NALF1: variants seen among roughly 807,000 people sequenced by gnomAD.
The protein encoded by NALF1 is family with sequence similarity 155 member A.
Under a neutral mutation model 48.4 loss-of-function variants are expected in NALF1, and 3 were observed. That is an observed-to-expected ratio of 0.06 (90% CI 0.03 to 0.16). The LOEUF (loss-of-function observed/expected upper bound fraction) is 0.16, where lower values mean the gene tolerates loss of function less well. Ranked by LOEUF, NALF1 falls within the 10% of genes least tolerant of loss-of-function variation. The probability of loss-of-function intolerance (pLI) is 1.00; values close to 1 mark genes in which losing one functional copy is unlikely to be tolerated. For synonymous variants in NALF1, 262 were observed against 245.7 expected (o/e 1.07, Z -0.62); for missense variants, 526 against 571.5 (o/e 0.92, Z 0.81).
intron 1 of NALF1, among the ~76,000 whole-genome samples, chr13:107,456,893 G>GTTATCTAT (rs1196973305): frequency 3.9e-5 from 6 of 152,102 alleles, no homozygotes; most frequent in Non-Finnish European, 8.8e-5. Context: ...GATTAGACAA[G>GTTATCTAT]TTATCTATCA....
At chr13:107,782,967 T>G (rs1200812852) in intron 1 of NALF1, among the ~76,000 whole-genome samples, 7 of 80,616 alleles carry the variant, frequency 8.7e-5, no homozygotes, top group African/African-American at 2.0e-4. Context: ...GGGAGGGAGG[T>G]GGGGGGTCAG....
At chr13:107,523,439 G>A (rs561109320) in intron 1 of NALF1, among the ~76,000 whole-genome samples, 1 of 152,076 alleles carries the variant, frequency 6.6e-6, no homozygotes, top group Non-Finnish European at 1.5e-5. Context: ...TGTTACATAT[G>A]TATACATGTG....
intron 1 of NALF1, among the ~76,000 whole-genome samples, chr13:107,813,011 C>T (rs1418015275): frequency 6.6e-6 from 1 of 152,128 alleles, no homozygotes; most frequent in Non-Finnish European, 1.5e-5. Context: ...CTGCCTCAGC[C>T]TCCCAAAGTG....
At chr13:107,289,737 C>G (rs868095852) in intron 1 of NALF1, among the ~76,000 whole-genome samples, 4 of 152,240 alleles carry the variant, frequency 2.6e-5, no homozygotes, top group Middle Eastern at 3.4e-3. Context: ...GGGGATAAAA[C>G]GAGCTATTTC....
intron 1 of NALF1, among the ~76,000 whole-genome samples, chr13:107,283,324 G>A (rs1281326749): frequency 6.6e-6 from 1 of 152,158 alleles, no homozygotes; most frequent in Non-Finnish European, 1.5e-5. Flanking sequence ...ACATGGTGAA[G>A]TACGGCAGCT....
In NALF1 at chr13:107,311,001, T is replaced by C. The variant is rs776562396; in HGVS notation, c.916-100246A>G. The stretch of plus-strand genomic sequence containing the variant: ...GGCCATATATGAGTGAAAAGACTAG[T>C]GATAAATTAGAAAATATGGCTAGGG... On this transcript the variant is annotated intron_variant, in intron 1 of 2. Coordinates refer to ENST00000375915, the MANE Select transcript of NALF1 (RefSeq NM_001080396.3). Among the ~76,000 whole-genome samples the C allele has an allele frequency of 9.2e-4, 140 of 152,096 alleles. 3 individuals carry two copies. Among genetic ancestry groups the C allele is most frequent in the Non-Finnish European group, 2.2e-4 (15 of 68,022 alleles).
At chr13:107,459,000 G>A (rs1321004278) in intron 1 of NALF1, among the ~76,000 whole-genome samples, 1 of 151,550 alleles carries the variant, frequency 6.6e-6, no homozygotes, top group African/African-American at 2.4e-5. Context: ...TGAGTTTGGT[G>A]ATGGCTTTTT....
At chr13:107,478,928 A>C (rs1885213226) in intron 1 of NALF1, among the ~76,000 whole-genome samples, 1 of 152,160 alleles carries the variant, frequency 6.6e-6, no homozygotes, top group African/African-American at 2.4e-5. Context: ...TCCTAAAATA[A>C]AATAATTTCT....
intron 1 of NALF1, among the ~76,000 whole-genome samples, chr13:107,324,511 C>T (rs1882314457): frequency 6.6e-6 from 1 of 152,126 alleles, no homozygotes; most frequent in Non-Finnish European, 1.5e-5. Flanking sequence ...CACTTGTGCA[C>T]ATTCACATGC....
intron 1 of NALF1, among the ~76,000 whole-genome samples, chr13:107,856,569 G>A (rs1219062100): frequency 6.6e-6 from 1 of 152,052 alleles, no homozygotes; most frequent in Non-Finnish European, 1.5e-5. Context: ...ACATGGATAG[G>A]AATCAGAGAA....
At chr13:107,290,600 G>A (rs987448399) in intron 1 of NALF1, among the ~76,000 whole-genome samples, 1 of 152,138 alleles carries the variant, frequency 6.6e-6, no homozygotes, top group Non-Finnish European at 1.5e-5. Context: ...CCCCAGCCAT[G>A]TAGAACTCTA....
chr13:107,223,595 C>A (rs889898062), intron 1 of NALF1, among the ~76,000 whole-genome samples: 5 of 152,086 alleles, frequency 3.3e-5, no homozygotes, highest in Non-Finnish European at 5.9e-5. Context: ...AATGAAGATA[C>A]ACAGTTAAGT....
At chr13:107,287,763 T>C (rs1357582132) in intron 1 of NALF1, among the ~76,000 whole-genome samples, 1 of 146,960 alleles carries the variant, frequency 6.8e-6, no homozygotes, top group Admixed American at 7.2e-5. Context: ...TGGAGTGCAG[T>C]GGCACAATCT....
intron 1 of NALF1, among the ~76,000 whole-genome samples, chr13:107,412,816 C>T (rs1442539164): frequency 6.6e-6 from 1 of 152,222 alleles, no homozygotes; most frequent in African/African-American, 2.4e-5. Flanking sequence ...AAGAGAGACA[C>T]TTGGCGTAAT....
intron 1 of NALF1, among the ~76,000 whole-genome samples, chr13:107,619,198 A>G (rs1051955836): frequency 5.3e-5 from 8 of 152,198 alleles, no homozygotes; most frequent in African/African-American, 9.7e-5. Context: ...AATATCACCA[A>G]TGGATTCTAT....
At chr13:107,278,100 C>G (rs78247716) in intron 1 of NALF1, among the ~76,000 whole-genome samples, 4,504 of 152,238 alleles carry the variant, frequency 0.03, 253 homozygotes, top group African/African-American at 0.1. Flanking sequence ...GTATCCGTTG[C>G]CTTGTTAATC....
chr13:107,454,501 G>T (rs1178692100), intron 1 of NALF1, among the ~76,000 whole-genome samples: 1 of 152,074 alleles, frequency 6.6e-6, no homozygotes, highest in Non-Finnish European at 1.5e-5. Flanking sequence ...AGAACAGCAT[G>T]GGGGAAACCA....
At chr13:107,466,454 T>C (rs1885004761) in intron 1 of NALF1, 1 of 152,166 alleles carries the variant, frequency 6.6e-6, no homozygotes, top group Admixed American at 6.6e-5. Flanking sequence ...ATGGCTGAGG[T>C]GGAAATCAGG....
intron 1 of NALF1, among the ~76,000 whole-genome samples, chr13:107,345,284 T>C (rs1882752420): frequency 6.6e-6 from 1 of 152,152 alleles, no homozygotes; most frequent in South Asian, 2.1e-4. Context: ...CAATTGCATT[T>C]TTTACAGAAA....
Sources: allele counts gnomAD v4.1 joint callset (sites outside exome capture counted in the v4.1 genomes callset), GRCh38; gene constraint gnomAD v4.1.1; transcripts MANE v1.5; gene names NCBI Gene and HGNC (gene_info 2026-07-23, HGNC 2026-07-21).